XRCC4: variants seen among roughly 807,000 people sequenced by gnomAD.
XRCC4 encodes DNA repair protein XRCC4.
A neutral mutation model predicts 39.1 loss-of-function variants in XRCC4; 28 were observed. That is an observed-to-expected ratio of 0.72 (90% CI 0.53 to 0.98). The LOEUF (loss-of-function observed/expected upper bound fraction) is 0.98, where lower values mean the gene tolerates loss of function less well. Among genes scored for constraint, XRCC4 ranks in the 50% least tolerant of loss-of-function variants. The pLI is 0.00. For synonymous variants in XRCC4, 123 were observed against 126.4 expected, an observed-to-expected ratio of 0.97 and a Z score of 0.18; for missense variants, 350 against 376.4, an observed-to-expected ratio of 0.93 and a Z score of 0.58.
intron 1 of XRCC4, among the ~76,000 whole-genome samples, chr5:83,094,288 C>T (rs1435636262): frequency 4.1e-5 from 6 of 145,152 alleles, no homozygotes; most frequent in African/African-American, 1.3e-4. Context: ...CTCCCCTCCC[C>T]TCCTTTCCCG....
At chr5:83,254,958 G>T (rs1017557047) in intron 6 of XRCC4, among the ~76,000 whole-genome samples, 1 of 151,948 alleles carries the variant, frequency 6.6e-6, no homozygotes, top group Admixed American at 6.6e-5. Context: ...ATGGTGGCAG[G>T]CTTCTGTAAT....
intron 7 of XRCC4, among the ~76,000 whole-genome samples, chr5:83,333,380 G>T (rs1756496855): frequency 6.6e-6 from 1 of 152,104 alleles, no homozygotes. Context: ...TTTATCTTCT[G>T]CATGCTAGAC....
Position 83,258,607 on chromosome 5 carries a change from C to T in XRCC4, c.823C>T (p.Arg275Ter), listed in dbSNP as rs797045016. ...DIAPSRKRRQ[R>*]MQRNLGTEPK... ...TGCACCAAGTAGAAAAAGGAGACAG[C>T]GAATGCAAAGAAATCTTGGGACAGA... The change falls in exon 7 of 8, where the codon CGA becomes TGA. Residue 275 changes from arginine to a stop codon, truncating the protein, a stop_gained. Transcript: ENST00000396027. LOFTEE classifies it high-confidence loss of function. 10 of 1,610,822 alleles carry T rather than the reference C, an allele frequency of 6.2e-6. No homozygotes were observed. Among genetic ancestry groups the T allele is most frequent in the Non-Finnish European group, 8.5e-6 (10 of 1,178,862 alleles).
At chr5:83,373,158 A>G in the XRCC4 span, among the ~76,000 whole-genome samples, 1 of 151,770 alleles carries the variant, frequency 6.6e-6, no homozygotes, top group Non-Finnish European at 1.5e-5. Flanking sequence ...CCTGAGCCCC[A>G]CTAGGCAGCT....
chr5:83,173,223 CATTG>C (rs925972366), intron 3 of XRCC4, among the ~76,000 whole-genome samples: 3 of 152,086 alleles, frequency 2.0e-5, no homozygotes, highest in Non-Finnish European at 4.4e-5. Context: ...AAATACTAGC[CATTG>C]CCAGTCTTGA....
chr5:83,101,168 T>G (rs1745917065), intron 1 of XRCC4, among the ~76,000 whole-genome samples: 1 of 152,124 alleles, frequency 6.6e-6, no homozygotes. Flanking sequence ...TGTTTTCATG[T>G]TGGAAGTTTG....
chr5:83,115,364 T>A (rs1208793574), intron 3 of XRCC4, among the ~76,000 whole-genome samples: 3 of 151,958 alleles, frequency 2.0e-5, no homozygotes, highest in African/African-American at 7.3e-5. Flanking sequence ...AAGGCAGAGG[T>A]TGCGGTAAGC....
Position 83,104,562 on chromosome 5 carries a change from C to T in XRCC4, c.-10-348C>T, listed in dbSNP as rs181699494. ...TGAACTCCTGACCTCAGGCAATCTG[C>T]CCGTCTTGGCCTCCCAAAGTGCTGG... On this transcript the variant is annotated intron_variant, in intron 1 of 7. Transcript: ENST00000396027. 8.5e-4 allele frequency among the ~76,000 whole-genome samples: 129 copies of T among 152,240 alleles called. No individual in the cohort carries two copies. The Middle Eastern group carries it at 0.01, about 12-fold the overall frequency.
At chr5:83,355,803 A>C (rs1434692416), downstream of XRCC4, among the ~76,000 whole-genome samples, 1 of 151,940 alleles carries the variant, frequency 6.6e-6, no homozygotes, top group African/African-American at 2.4e-5. Flanking sequence ...CACCCGGCTA[A>C]TTTTTTGTAT....
intron 7 of XRCC4, among the ~76,000 whole-genome samples, chr5:83,270,884 C>G (rs1754124469): frequency 6.6e-6 from 1 of 151,462 alleles, no homozygotes; most frequent in Non-Finnish European, 1.5e-5. Context: ...CTCCTGGGTT[C>G]AAGCGATTCT....
At chr5:83,095,215 A>G (rs563630459) in intron 1 of XRCC4, among the ~76,000 whole-genome samples, 1 of 152,228 alleles carries the variant, frequency 6.6e-6, no homozygotes, top group East Asian at 1.9e-4. Flanking sequence ...GTAGCTACAT[A>G]GGTTCTCTTA....
chr5:83,272,276 T>G (rs983111880), intron 7 of XRCC4, among the ~76,000 whole-genome samples: 5 of 152,212 alleles, frequency 3.3e-5, no homozygotes, highest in Admixed American at 3.3e-4. Flanking sequence ...CATTTAATTT[T>G]CCAGTGTTCC....
intron 3 of XRCC4, among the ~76,000 whole-genome samples, chr5:83,149,332 T>G (rs1310185455): frequency 6.6e-6 from 1 of 152,186 alleles, no homozygotes; most frequent in African/African-American, 2.4e-5. Context: ...TTGAAGTGTG[T>G]TGCATTATCT....
intron 3 of XRCC4, among the ~76,000 whole-genome samples, chr5:83,131,763 C>T (rs1052683062): frequency 1.4e-4 from 21 of 151,904 alleles, no homozygotes; most frequent in Admixed American, 3.9e-4. Flanking sequence ...TTATTTTGAG[C>T]CTATGTGTGT....
intron 6 of XRCC4, among the ~76,000 whole-genome samples, chr5:83,244,091 T>C (rs1753011875): frequency 6.6e-6 from 1 of 152,156 alleles, no homozygotes; most frequent in African/African-American, 2.4e-5. Context: ...TTAAAAGATA[T>C]TTTTATATTA....
chr5:83,132,555 T>C (rs1157497649), intron 3 of XRCC4, among the ~76,000 whole-genome samples: 2 of 152,136 alleles, frequency 1.3e-5, no homozygotes, highest in African/African-American at 2.4e-5. Flanking sequence ...CATAGTCCCA[T>C]ATTTCTCGGA....
At position 83,187,195 on chromosome 5, in the gene XRCC4, T is replaced by G. The variant is rs1231814440; in HGVS notation, c.316-8575T>G. Among the ~76,000 whole-genome samples the G allele has an allele frequency of 2.8e-5, 4 of 144,482 alleles. 1 individual carries two copies. Among genetic ancestry groups the G allele is most frequent in the Non-Finnish European group, 6.1e-5 (4 of 65,876 alleles). The allele number at this position is 144,482 out of a possible 152,430, so 94.8% of individuals were successfully genotyped here. On this transcript the variant is annotated intron_variant, in intron 3 of 7. Transcript: ENST00000396027. ...CCTGACCTCATGATCCGCCCGCCTC[T>G]GCCTCCCAAAGTGCTGGGATTACAG...
chr5:83,305,533 C>T (rs1007427924), intron 7 of XRCC4, among the ~76,000 whole-genome samples: 38 of 152,050 alleles, frequency 2.5e-4, no homozygotes, highest in African/African-American at 9.2e-4. Flanking sequence ...ATATAGAACA[C>T]TTCAAAGAAC....
chr5:83,227,697 G>A (rs1004534587), intron 6 of XRCC4, among the ~76,000 whole-genome samples: 1 of 151,906 alleles, frequency 6.6e-6, no homozygotes, highest in African/African-American at 2.4e-5. Context: ...TGAACATGAA[G>A]GATTTTCATA....
Sources: allele counts gnomAD v4.1 joint callset (sites outside exome capture counted in the v4.1 genomes callset), GRCh38; gene constraint gnomAD v4.1.1; transcripts MANE v1.5; gene names NCBI Gene and HGNC (gene_info 2026-07-23, HGNC 2026-07-21).